TAMM41: variants seen among roughly 807,000 people sequenced by gnomAD.
TAMM41 encodes the protein phosphatidate cytidylyltransferase, mitochondrial.
Under a neutral mutation model 44.1 loss-of-function variants are expected in TAMM41, and 36 were observed. The ratio of observed to expected loss-of-function variants is 0.82; its 90% CI spans 0.63 to 1.08. The LOEUF is 1.08. Ranked by LOEUF, TAMM41 falls within the 50% of genes least tolerant of loss-of-function variation. TAMM41 has a pLI of 0.00. For missense variants in TAMM41, 417 were observed against 404.3 expected, an observed-to-expected ratio of 1.03 and a Z score of -0.27; for synonymous variants, 164 against 153.1, an observed-to-expected ratio of 1.07 and a Z score of -0.53.
At position 11,829,851 on chromosome 3, in the gene TAMM41, G is replaced by C; in HGVS notation, c.425C>G (p.Ser142Ter). ...TCTAAGAGTGACATCCTCGTTCACT[G>C]AGATAATTTTCACCTGAAAGAAGCA... is the stretch of plus-strand genomic sequence containing the variant. ...GRLQKPVKIISVNEDVTLRSA... is the reference protein window; with the variant it reads ...GRLQKPVKII The change falls in exon 4 of 8, where the codon TCA becomes TGA. Residue 142 changes from serine to a stop codon, truncating the protein, a stop_gained. Coordinates refer to ENST00000455809, the MANE Select transcript of TAMM41 (RefSeq NM_001284401.2). LOFTEE classifies it high-confidence loss of function. 6.2e-7 allele frequency: 1 copy of C among 1,614,142 alleles called. No individual in the cohort carries two copies. Among genetic ancestry groups the C allele is most frequent in the Non-Finnish European group, 8.5e-7 (1 of 1,180,014 alleles).
the TAMM41 span, among the ~76,000 whole-genome samples, chr3:11,747,193 G>T: frequency 6.6e-6 from 1 of 152,134 alleles, no homozygotes; most frequent in African/African-American, 2.4e-5. Flanking sequence ...CTCCCGAGTA[G>T]CTGGGACTAC....
At chr3:11,785,325 TTTTTGTTTTG>T in the TAMM41 span, among the ~76,000 whole-genome samples, 1 of 151,838 alleles carries the variant, frequency 6.6e-6, no homozygotes, top group Admixed American at 6.6e-5. Flanking sequence ...CTGGTTTTTG[TTTTTGTTTTG>T]TTTTGTTTTG....
At chr3:11,812,135 C>A (rs1383077082) in intron 5 of TAMM41, among the ~76,000 whole-genome samples, 2 of 152,046 alleles carry the variant, frequency 1.3e-5, no homozygotes, top group African/African-American at 4.8e-5. Flanking sequence ...ACCATGTTGG[C>A]CAGGCTAGTT....
At chr3:11,779,881 G>T in the TAMM41 span, among the ~76,000 whole-genome samples, 1 of 152,168 alleles carries the variant, frequency 6.6e-6, no homozygotes, top group African/African-American at 2.4e-5. Context: ...CCCCAGCTGA[G>T]GAAACAGGCA....
At chr3:11,845,516 G>A (rs937951911) in intron 1 of TAMM41, among the ~76,000 whole-genome samples, 4 of 152,170 alleles carry the variant, frequency 2.6e-5, no homozygotes, top group African/African-American at 9.7e-5. Context: ...ATTTGGTGGC[G>A]AGGCAGGTAT....
chr3:11,840,349 C>G (rs987412606), intron 2 of TAMM41, among the ~76,000 whole-genome samples: 1 of 151,992 alleles, frequency 6.6e-6, no homozygotes, highest in Non-Finnish European at 1.5e-5. Flanking sequence ...TCTTGCACCT[C>G]AGCCTCCTGA....
At chr3:11,756,281 T>A in the TAMM41 span, among the ~76,000 whole-genome samples, 1 of 152,172 alleles carries the variant, frequency 6.6e-6, no homozygotes, top group African/African-American at 2.4e-5. Context: ...CTTTTCTCCT[T>A]TTCCATGACC....
chr3:11,829,823 T>C lies in TAMM41; in HGVS notation c.453A>G (p.Ser151=), dbSNP rs767816527. The change falls in exon 4 of 8, where the codon TCA becomes TCG. Residue 151 remains serine (S), a synonymous_variant. Coordinates refer to ENST00000455809, the MANE Select transcript of TAMM41 (RefSeq NM_001284401.2). ...CACTCTTCAGATTTCTATCGAGGGC[T>C]GATCTAAGAGTGACATCCTCGTTCA... ...ISVNEDVTLR[S]ALDRNLKSAV... is the part of the protein sequence containing the mutation. 6.2e-7 allele frequency: 1 copy of C among 1,614,218 alleles called. No homozygotes were observed. The highest frequency in any genetic ancestry group is 2.2e-5 in the East Asian group (1 of 44,886).
the TAMM41 span, among the ~76,000 whole-genome samples, chr3:11,733,556 C>T: frequency 6.6e-6 from 1 of 150,706 alleles, no homozygotes; most frequent in South Asian, 2.1e-4. Context: ...GCAGTGGCAC[C>T]ATCTCGGCTC....
In TAMM41 at chr3:11,819,211, A is replaced by G. The variant is rs538332556; in HGVS notation, c.563-1874T>C. Among the ~76,000 whole-genome samples, 3 of 152,308 alleles carry G rather than the reference A, an allele frequency of 2.0e-5. No homozygotes were observed. The East Asian group carries it at 5.8e-4, about 29-fold the overall frequency. On this transcript the variant is annotated intron_variant, in intron 4 of 7. Coordinates refer to ENST00000455809, the MANE Select transcript of TAMM41 (RefSeq NM_001284401.2). Reference sequence around the variant, plus strand: ...TCTCTGGAGCAAGCTTAAAGAAATAAGCCAGAAACACAGAGTAAGACAGAA... The same window carrying G: ...TCTCTGGAGCAAGCTTAAAGAAATAGGCCAGAAACACAGAGTAAGACAGAA...
chr3:11,789,459 G>T (rs141735169), downstream of TAMM41, among the ~76,000 whole-genome samples: 1 of 152,298 alleles, frequency 6.6e-6, no homozygotes, highest in East Asian at 1.9e-4. Context: ...CTTGTTAGGT[G>T]GATGAGGTGG....
At chr3:11,743,009 G>A in the TAMM41 span, among the ~76,000 whole-genome samples, 1 of 152,036 alleles carries the variant, frequency 6.6e-6, no homozygotes, top group African/African-American at 2.4e-5. Context: ...CTTACATCTG[G>A]GGAGTGTAGG....
the TAMM41 span, among the ~76,000 whole-genome samples, chr3:11,752,091 G>A: frequency 6.6e-6 from 1 of 152,302 alleles, no homozygotes; most frequent in Non-Finnish European, 1.5e-5. Context: ...GTTCCTTCCG[G>A]TGGGTTTGTG....
intron 4 of TAMM41, among the ~76,000 whole-genome samples, chr3:11,821,983 A>G (rs1282187002): frequency 6.6e-6 from 1 of 152,134 alleles, no homozygotes; most frequent in African/African-American, 2.4e-5. Flanking sequence ...ATATAAAATC[A>G]CTTTCAGGCG....
chr3:11,830,229 C>T (rs2078927493), intron 3 of TAMM41, among the ~76,000 whole-genome samples: 2 of 152,118 alleles, frequency 1.3e-5, no homozygotes, highest in African/African-American at 2.4e-5. Context: ...GGCATTTTAC[C>T]TCTTTATTTA....
the TAMM41 span, among the ~76,000 whole-genome samples, chr3:11,747,085 C>T: frequency 6.6e-6 from 1 of 152,114 alleles, no homozygotes; most frequent in Non-Finnish European, 1.5e-5. Flanking sequence ...ATTTATAAGA[C>T]GGAGCCTCCT....
intron 3 of TAMM41, among the ~76,000 whole-genome samples, chr3:11,832,562 T>G (rs553550759): frequency 6.6e-6 from 1 of 152,146 alleles, no homozygotes; most frequent in South Asian, 2.1e-4. Flanking sequence ...TACTGAATGA[T>G]TAATCTAGGA....
the TAMM41 span, among the ~76,000 whole-genome samples, chr3:11,748,298 T>A: frequency 6.8e-6 from 1 of 146,200 alleles, no homozygotes; most frequent in Non-Finnish European, 1.5e-5. Flanking sequence ...TTATTTATTT[T>A]TTGAGATGGA....
At chr3:11,723,596 C>A in the TAMM41 span, among the ~76,000 whole-genome samples, 2,262 of 137,722 alleles carry the variant, frequency 0.016, 24 homozygotes, top group Middle Eastern at 0.078. Flanking sequence ...AAAAAAAAAA[C>A]AAAAACAAAA....
Sources: allele counts gnomAD v4.1 joint callset (sites outside exome capture counted in the v4.1 genomes callset), GRCh38; gene constraint gnomAD v4.1.1; transcripts MANE v1.5; gene names NCBI Gene and HGNC (gene_info 2026-07-23, HGNC 2026-07-21).